SCOC: variants seen among roughly 807,000 people sequenced by gnomAD.
The protein encoded by SCOC is short coiled coil protein.
In SCOC, 7 loss-of-function variants were observed where a neutral mutation model predicts 9.9. The ratio of observed to expected loss-of-function variants is 0.71; its 90% CI spans 0.40 to 1.33. The LOEUF (loss-of-function observed/expected upper bound fraction) is 1.33. Among genes scored for constraint, SCOC ranks in the 40% most tolerant of loss-of-function variants. The pLI is 0.01. For missense variants in SCOC, 66 were observed against 89.7 expected, an observed-to-expected ratio of 0.74 and a Z score of 1.07; for synonymous variants, 19 against 28.2, an observed-to-expected ratio of 0.67 and a Z score of 1.03.
chr4:140,292,147 G>A (rs374139179), intron 1 of SCOC, among the ~76,000 whole-genome samples: 1 of 150,224 alleles, frequency 6.7e-6, no homozygotes, highest in East Asian at 2.0e-4. Flanking sequence ...CAACCACCTT[G>A]ATCACGCATG....
intron 2 of SCOC, among the ~76,000 whole-genome samples, chr4:140,350,764 G>T (rs1273252956): frequency 3.3e-5 from 5 of 152,290 alleles, no homozygotes; most frequent in African/African-American, 1.2e-4. Context: ...GTAAGTCTCA[G>T]AATTGATTTG....
At chr4:140,353,859 G>A (rs1015235136) in intron 2 of SCOC, among the ~76,000 whole-genome samples, 1 of 152,166 alleles carries the variant, frequency 6.6e-6, no homozygotes, top group African/African-American at 2.4e-5. Flanking sequence ...TCAACAGCAG[G>A]CTCTTTTCAG....
At chr4:140,333,765 A>T (rs551016065) in intron 1 of SCOC, among the ~76,000 whole-genome samples, 1 of 152,334 alleles carries the variant, frequency 6.6e-6, no homozygotes, top group Admixed American at 6.5e-5. Flanking sequence ...GAAATCTGAC[A>T]TCTTGTTGCT....
rs1728558532 is a variant in SCOC, at chr4:140,381,140, T to C, written c.*36T>C. The C allele has an allele frequency of 6.5e-7, 1 of 1,543,784 alleles. No homozygotes were observed. Among genetic ancestry groups the C allele is most frequent in the East Asian group, 2.4e-5 (1 of 42,054 alleles). ...CCCTTCTGTTTTATGGAATTGCTGC[T>C]GATCATTTTTTCTTTAAAACTTGGA... is the stretch of plus-strand genomic sequence containing the variant. On this transcript the variant is annotated 3_prime_UTR_variant, in exon 4 of 4. Coordinates refer to ENST00000608372, the MANE Select transcript of SCOC (RefSeq NM_001153484.2).
chr4:140,368,158 A>G (rs933093047), intron 2 of SCOC, among the ~76,000 whole-genome samples: 4 of 152,212 alleles, frequency 2.6e-5, no homozygotes, highest in South Asian at 2.1e-4. Context: ...AATGAATTCA[A>G]TCTAGGCTGA....
At chr4:140,366,171 T>G in intron 2 of SCOC, 1 of 459,292 alleles carries the variant, frequency 2.2e-6, no homozygotes, top group Non-Finnish European at 3.1e-6. Flanking sequence ...GGGTGCCTCC[T>G]TTTCTTTCTT....
intron 1 of SCOC, among the ~76,000 whole-genome samples, chr4:140,302,521 AGTTGACAATCTGAGGCTTTC>A (rs1419639008): frequency 6.6e-6 from 1 of 152,214 alleles, no homozygotes; most frequent in African/African-American, 2.4e-5. Flanking sequence ...TGGTAGAGTT[AGTTGACAATCTGAGGCTTTC>A]GTTCTCCCAT....
chr4:140,288,337 A>G (rs922756387), intron 1 of SCOC, among the ~76,000 whole-genome samples: 2 of 152,044 alleles, frequency 1.3e-5, no homozygotes, highest in African/African-American at 4.8e-5. Flanking sequence ...TAAATATTAC[A>G]TGTCACACAA....
intron 1 of SCOC, among the ~76,000 whole-genome samples, chr4:140,321,940 TA>T (rs1032614024): frequency 1.3e-5 from 2 of 152,142 alleles, no homozygotes; most frequent in African/African-American, 4.8e-5. Context: ...TGTGAAAGGA[TA>T]AATGCTGCTA....
intron 1 of SCOC, chr4:140,343,535 TG>T (rs776858071): frequency 1.6e-5 from 13 of 824,632 alleles, no homozygotes; most frequent in East Asian, 8.0e-5. Flanking sequence ...AGCACCTGCT[TG>T]GAAGTTCACT....
chr4:140,283,615 A>C (rs999333812), intron 1 of SCOC: 3 of 152,242 alleles, frequency 2.0e-5, no homozygotes, highest in Non-Finnish European at 4.4e-5. Flanking sequence ...AAAACAGGTC[A>C]GGATCTAAAA....
chr4:140,311,782 T>C (rs200361711), intron 1 of SCOC, among the ~76,000 whole-genome samples: 23 of 152,206 alleles, frequency 1.5e-4, no homozygotes, highest in Admixed American at 1.4e-3. Flanking sequence ...TAATACCTAG[T>C]AGGATCATTG....
intron 2 of SCOC, among the ~76,000 whole-genome samples, chr4:140,359,674 C>T (rs1237360767): frequency 6.6e-6 from 1 of 152,224 alleles, no homozygotes; most frequent in Non-Finnish European, 1.5e-5. Flanking sequence ...CATTTACTCT[C>T]TCAAGACGCC....
intron 1 of SCOC, among the ~76,000 whole-genome samples, chr4:140,319,757 GA>G (rs1207473881): frequency 8.8e-5 from 13 of 147,020 alleles, no homozygotes; most frequent in African/African-American, 1.2e-4. Flanking sequence ...CTAACAATGA[GA>G]AAAAAAAAAC....
At chr4:140,303,773 C>T (rs139011243) in intron 1 of SCOC, among the ~76,000 whole-genome samples, 11 of 152,312 alleles carry the variant, frequency 7.2e-5, no homozygotes, top group African/African-American at 2.6e-4. Flanking sequence ...TATAGTGGAA[C>T]AGAGTTTCAG....
intron 1 of SCOC, among the ~76,000 whole-genome samples, chr4:140,323,938 G>C: frequency 6.6e-6 from 1 of 151,902 alleles, no homozygotes; most frequent in South Asian, 2.1e-4. Flanking sequence ...TATAGCCCAA[G>C]ATACGTCATG....
rs1391548478 is a variant in SCOC at position 140,300,567 on chromosome 4, C to T, written c.-18-43054C>T. Among the ~76,000 whole-genome samples, 3 of 152,208 alleles carry T rather than the reference C, an allele frequency of 2.0e-5. No individual in the cohort carries two copies. In the East Asian group the frequency reaches 5.8e-4, roughly 29 times the overall value. ...CTGGAGAGAAAGCTGGGTGTCTCTGCTGGGCATTTGGGGTGAAGAAGGAAC... is the reference window on the plus strand; with the variant it reads ...CTGGAGAGAAAGCTGGGTGTCTCTGTTGGGCATTTGGGGTGAAGAAGGAAC... On this transcript the variant is annotated intron_variant, in intron 1 of 4. Coordinates refer to the SCOC transcript ENST00000394205.
At chr4:140,278,750 G>A (rs1731038991) in intron 1 of SCOC, among the ~76,000 whole-genome samples, 2 of 152,142 alleles carry the variant, frequency 1.3e-5, no homozygotes, top group Admixed American at 1.3e-4. Context: ...TCCCTTTTAT[G>A]CCAGGACATT....
intron 2 of SCOC, among the ~76,000 whole-genome samples, chr4:140,362,302 T>TCTTCTTCTTCTTCTTCTTCTTCTTCTTC (rs1560720882): frequency 3.6e-5 from 1 of 27,858 alleles, no homozygotes; most frequent in Non-Finnish European, 8.8e-5. Flanking sequence ...TCTTCTTCTT[T>TCTTCTTCTTCTTCTTCTTCTTCTTCTTC]TTTTTTTTTT....
Sources: gnomAD v4.1 joint callset for allele counts (sites outside exome capture counted in the v4.1 genomes callset) on GRCh38, gnomAD v4.1.1 for gene constraint, MANE v1.5 for transcripts, NCBI Gene and HGNC (gene_info 2026-07-23, HGNC 2026-07-21) for gene names.